The following AGGF1 variants were observed in gnomAD, a reference collection of about 807,000 sequenced individuals.
AGGF1 encodes the protein angiogenic factor with G-patch and FHA domains 1, also known as angiogenic factor with G patch and FHA domains 1.
A neutral mutation model predicts 86.5 loss-of-function variants in AGGF1; 56 were observed. That is an observed-to-expected ratio of 0.65 (90% CI 0.52 to 0.81). The LOEUF is 0.81. Ranked by LOEUF, AGGF1 falls within the 30% of genes least tolerant of loss-of-function variation. AGGF1 has a pLI of 0.00. For missense variants in AGGF1, 816 were observed against 850.9 expected, an observed-to-expected ratio of 0.96 and a Z score of 0.51; for synonymous variants, 313 against 297.1, an observed-to-expected ratio of 1.05 and a Z score of -0.55.
At chr5:77,062,982 A>C in intron 13 of AGGF1, 70 bp from the exon 14 acceptor site, 1 of 1,542,562 alleles carries the variant, frequency 6.5e-7, no homozygotes, top group Non-Finnish European at 9.0e-7. Flanking sequence ...GTAGAGTCCT[A>C]AGTTGGACAC....
intron 5 of AGGF1, among the ~76,000 whole-genome samples, chr5:77,043,591 C>CG (rs1335860166): frequency 7.9e-6 from 1 of 126,688 alleles, no homozygotes; most frequent in Non-Finnish European, 1.8e-5. Context: ...GGGCTGACCC[C>CG]CCCCCCCCCG....
Position 77,035,679 on chromosome 5 carries a change from C to A in AGGF1, c.452C>A (p.Pro151His). The change falls in exon 3 of 14, where the codon CCT becomes CAT. Residue 151 changes from proline to histidine, a missense_variant. By Grantham distance (77) the Pro-to-His change is moderately conservative (BLOSUM62 -2). Transcript: ENST00000312916. ...DHLQVENDAY[P>H]GTDRTENVKY... ...TTACAAGTAGAAAATGATGCTTACC[C>A]TGGTACCGATAGAACAGAAAATGTT... 1.2e-6 allele frequency: 2 copies of A among 1,613,610 alleles called. No individual in the cohort carries two copies. Among genetic ancestry groups the A allele is most frequent in the Non-Finnish European group, 1.7e-6 (2 of 1,179,734 alleles).
At chr5:77,061,441 T>A (rs1418822883) in intron 12 of AGGF1, among the ~76,000 whole-genome samples, 2 of 152,254 alleles carry the variant, frequency 1.3e-5, no homozygotes, top group African/African-American at 4.8e-5. Context: ...ATTTTAATCA[T>A]TGCCAGACAT....
chr5:77,051,663 T>C (rs1747375440), intron 8 of AGGF1, among the ~76,000 whole-genome samples: 1 of 152,250 alleles, frequency 6.6e-6, no homozygotes, highest in Non-Finnish European at 1.5e-5. Flanking sequence ...GATTTGCTTA[T>C]GTTATGATTT....
rs1227248971 is a variant in AGGF1, at chr5:77,036,564, A to C, written c.525A>C (p.Ala175=). ...DHFASNSQEP[A]SALATEDTSL... is the part of the protein sequence containing the mutation. ...GACTATATCTTTTATAGGAGCCAGC[A>C]TCTGCATTAGCAACAGAAGATACCT... is the stretch of plus-strand genomic sequence containing the variant. The change falls in exon 4 of 14, where the codon GCA becomes GCC. Residue 175 remains alanine (A), a synonymous_variant. Coordinates refer to ENST00000312916, the MANE Select transcript of AGGF1 (RefSeq NM_018046.5). 1 of 1,614,148 alleles carries C rather than the reference A, an allele frequency of 6.2e-7. No homozygotes were observed. Among genetic ancestry groups the C allele is most frequent in the Admixed American group, 1.7e-5 (1 of 60,030 alleles).
intron 1 of AGGF1, among the ~76,000 whole-genome samples, chr5:77,031,288 G>A (rs1746846786): frequency 6.6e-6 from 1 of 152,298 alleles, no homozygotes; most frequent in African/African-American, 2.4e-5. Context: ...TCACATTTGA[G>A]TTTATTAAAA....
chr5:77,038,065 T>C (rs1485905233), intron 4 of AGGF1, among the ~76,000 whole-genome samples: 1 of 152,224 alleles, frequency 6.6e-6, no homozygotes. Flanking sequence ...TCATCATTCC[T>C]GTTACTGGAA....
At chr5:77,031,745 A>G (rs13155649) in intron 1 of AGGF1, among the ~76,000 whole-genome samples, 3,670 of 152,162 alleles carry the variant, frequency 0.024, 61 homozygotes, top group Non-Finnish European at 0.039. Flanking sequence ...GTCTCTACTA[A>G]ATACAAAAAT....
At position 77,030,484 on chromosome 5, in the gene AGGF1, CCTCT is replaced by C. The variant is rs1561281851; in HGVS notation, c.-282_-279del. 1 of 627,180 alleles carries C rather than the reference CCTCT, an allele frequency of 1.6e-6. No individual in the cohort carries two copies. Among genetic ancestry groups the C allele is most frequent in the Non-Finnish European group, 3.0e-6 (1 of 337,384 alleles). The allele number at this position is 627,180 out of a possible 1,614,324, so 38.9% of individuals were successfully genotyped here. On this transcript the variant is annotated 5_prime_UTR_variant, in exon 1 of 14. Transcript: ENST00000312916. ...TCCGACTGCTTATCCGACGCTCCTC[CCTCT>C]GTCTCTGTAGCTGGAGAAGGTAGTT...
chr5:77,046,522 A>G lies in AGGF1; in HGVS notation c.1046A>G (p.Asn349Ser). The G allele has an allele frequency of 6.2e-7, 1 of 1,614,054 alleles. No homozygotes were observed. Among genetic ancestry groups the G allele is most frequent in the Non-Finnish European group, 8.5e-7 (1 of 1,179,964 alleles). The change falls in exon 6 of 14, where the codon AAC becomes AGC. Residue 349 changes from asparagine (N) to serine (S), a missense_variant. Asn to Ser is a conservative substitution (Grantham distance 46, BLOSUM62 1). This residue lies in a region of AGGF1 where 565 missense variants were observed against 585.8 expected (regional missense o/e 0.96). Coordinates refer to ENST00000312916, the MANE Select transcript of AGGF1 (RefSeq NM_018046.5). ...GNTIESPLHE[N>S]ISNSTSFKDE... ...ACTATAGAGTCTCCTCTTCATGAAA[A>G]CATCTCTAATTCAACATCATTTAAA...
intron 10 of AGGF1, 78 bp downstream of exon 10, chr5:77,054,208 C>T: frequency 6.5e-7 from 1 of 1,535,632 alleles, no homozygotes; most frequent in Non-Finnish European, 9.0e-7. Flanking sequence ...CATCAGTCAG[C>T]TACTGGCTAC....
intron 7 of AGGF1, among the ~76,000 whole-genome samples, chr5:77,048,642 G>A (rs901945194): frequency 3.9e-5 from 6 of 152,130 alleles, no homozygotes; most frequent in African/African-American, 9.7e-5. Flanking sequence ...AAGCTGCCAC[G>A]CCTGGCCATT....
At chr5:77,056,323 G>T (rs1336721289) in intron 11 of AGGF1, among the ~76,000 whole-genome samples, 5 of 149,890 alleles carry the variant, frequency 3.3e-5, no homozygotes, top group Non-Finnish European at 5.9e-5. Flanking sequence ...CTGTCTCCTG[G>T]GTTCAAATGA....
At position 77,034,513 on chromosome 5, in the gene AGGF1, A is replaced by G. The variant is rs887771655; in HGVS notation, c.306A>G (p.Ser102=). The G allele has an allele frequency of 3.7e-6, 6 of 1,604,326 alleles. No homozygotes were observed. The Admixed American group carries it at 6.7e-5, about 18-fold the overall frequency. Residue 102 remains serine (S), a synonymous_variant, in exon 2 of 14, where the codon TCA becomes TCG. Transcript: ENST00000312916. ...AAACAGAGAACCATGCTCCTTGGTC[A>G]ATCTCAGGTATTTAGCTTATAGTGA... is the stretch of plus-strand genomic sequence containing the variant. ...EVQTENHAPW[S]ISDYFYQTYY...
At chr5:77,056,112 G>C (rs1747452853) in intron 11 of AGGF1, among the ~76,000 whole-genome samples, 1 of 152,062 alleles carries the variant, frequency 6.6e-6, no homozygotes, top group Non-Finnish European at 1.5e-5. Flanking sequence ...TATCATATTG[G>C]CATAAAGATA....
intron 12 of AGGF1, among the ~76,000 whole-genome samples, chr5:77,060,186 A>T (rs1195462402): frequency 1.3e-5 from 2 of 152,188 alleles, no homozygotes; most frequent in Non-Finnish European, 2.9e-5. Context: ...AAATGGAGAC[A>T]CTAAGTCTAT....
rs2150728282 is a variant in AGGF1, at chr5:77,039,334, A to G, written c.682-197A>G. Among the ~76,000 whole-genome samples the G allele has an allele frequency of 1.3e-5, 2 of 152,302 alleles. 1 individual carries two copies. ...AGATTTACTTGTTTCTCACACTAGG[A>G]AAATTAGATCAGTTATTGAATGGTA... On this transcript the variant is annotated intron_variant, in intron 4 of 13. Coordinates refer to ENST00000312916, the MANE Select transcript of AGGF1 (RefSeq NM_018046.5).
intron 4 of AGGF1, 111 bp from the exon 5 acceptor site, chr5:77,039,420 A>G (rs532643089): frequency 2.4e-6 from 2 of 831,376 alleles, no homozygotes; most frequent in South Asian, 3.8e-5. Context: ...TCTTCTGAAA[A>G]TACTATAGTT....
In AGGF1 at chr5:77,053,988, C is replaced by T. The variant is rs753617211; in HGVS notation, c.1491C>T (p.Tyr497=). 9 of 1,614,026 alleles carry T rather than the reference C, an allele frequency of 5.6e-6. No homozygotes were observed. The highest frequency in any genetic ancestry group is 2.7e-5 in the African/African-American group (2 of 74,920). The part of the protein sequence containing the change: ...ILQPKTKCDP[Y]VLEHGDEVKI... ...AGCCGAAAACTAAATGTGACCCTTA[C>T]GTACTTGAGCATGGAGATGAAGTCA... The change falls in exon 10 of 14, where the codon TAC becomes TAT. Residue 497 remains tyrosine (Y), a synonymous_variant. Coordinates refer to ENST00000312916, the MANE Select transcript of AGGF1 (RefSeq NM_018046.5).
Sources: allele counts gnomAD v4.1 joint callset (sites outside exome capture counted in the v4.1 genomes callset), GRCh38; gene constraint gnomAD v4.1.1; regional missense constraint gnomAD v4.1.1; transcripts MANE v1.5; gene names NCBI Gene and HGNC (gene_info 2026-07-23, HGNC 2026-07-21).